Variants in FGF14 observed in about 807,000 individuals in gnomAD.
FGF14 encodes the protein fibroblast growth factor homologous factor 4.
A neutral mutation model predicts 25.5 loss-of-function variants in FGF14; 5 were observed. The observed-to-expected ratio is 0.20, with a 90% confidence interval of 0.10 to 0.41. The LOEUF is 0.41. Ranked by LOEUF, FGF14 falls within the 10% of genes least tolerant of loss-of-function variation. The pLI is 1.00. For missense variants in FGF14, 222 were observed against 320.1 expected, an observed-to-expected ratio of 0.69 and a Z score of 2.34; for synonymous variants, 138 against 118.3, an observed-to-expected ratio of 1.17 and a Z score of -1.08.
At position 101,781,397 on chromosome 13, in the gene FGF14, C is replaced by T. The variant is rs566600819; in HGVS notation, c.409-54587G>A. 5.9e-5 allele frequency among the ~76,000 whole-genome samples: 9 copies of T among 152,232 alleles called. No individual in the cohort carries two copies. The East Asian group carries it at 1.7e-3, about 29-fold the overall frequency. ...CGTATTCTCAGCATCAGAGCTGTGC[C>T]TGATCACGATAGAAACTCAAAGACT... On this transcript the variant is annotated intron_variant, in intron 3 of 4. Transcript: ENST00000376143.
At chr13:102,220,546 C>T (rs966312859) in intron 1 of FGF14, among the ~76,000 whole-genome samples, 4 of 152,192 alleles carry the variant, frequency 2.6e-5, no homozygotes, top group Admixed American at 6.5e-5. Flanking sequence ...ACACTGCAGA[C>T]GGTTGAAATA....
intron 3 of FGF14, among the ~76,000 whole-genome samples, chr13:101,757,261 GC>G (rs1442509466): frequency 6.6e-6 from 1 of 151,982 alleles, no homozygotes; most frequent in Admixed American, 6.6e-5. Context: ...AAGTCCTATA[GC>G]CTTTTGTTTG....
intron 1 of FGF14, among the ~76,000 whole-genome samples, chr13:101,890,301 C>T (rs995542846): frequency 1.3e-5 from 2 of 152,070 alleles, no homozygotes; most frequent in African/African-American, 4.8e-5. Context: ...CTGTAGCACA[C>T]CTCTAAGTTT....
chr13:101,819,742 T>C (rs916968388), intron 3 of FGF14, among the ~76,000 whole-genome samples: 25 of 152,190 alleles, frequency 1.6e-4, no homozygotes, highest in African/African-American at 5.3e-4. Context: ...ATTTTTAGAA[T>C]AGTTTTGAAG....
intron 1 of FGF14, among the ~76,000 whole-genome samples, chr13:102,347,508 A>G (rs1485486163): frequency 6.6e-6 from 1 of 152,158 alleles, no homozygotes; most frequent in Non-Finnish European, 1.5e-5. Context: ...CTGAGTTTGT[A>G]AAGGTGGAAG....
chr13:102,058,369 C>G (rs1026665014), intron 1 of FGF14, among the ~76,000 whole-genome samples: 1 of 152,130 alleles, frequency 6.6e-6, no homozygotes, highest in African/African-American at 2.4e-5. Flanking sequence ...CTCAGTAATC[C>G]AACTCATTTT....
At chr13:102,073,093 T>C (rs2043215262) in intron 1 of FGF14, among the ~76,000 whole-genome samples, 1 of 151,850 alleles carries the variant, frequency 6.6e-6, no homozygotes, top group African/African-American at 2.4e-5. Context: ...AATACACACA[T>C]ACACAAAAAT....
chr13:102,133,258 A>G (rs1287949830), intron 1 of FGF14, among the ~76,000 whole-genome samples: 6 of 152,234 alleles, frequency 3.9e-5, no homozygotes, highest in Non-Finnish European at 8.8e-5. Flanking sequence ...GTTATTATAT[A>G]CAATTTAGAA....
chr13:102,181,878 C>T (rs1414824450), intron 1 of FGF14, among the ~76,000 whole-genome samples: 1 of 152,136 alleles, frequency 6.6e-6, no homozygotes, highest in Non-Finnish European at 1.5e-5. Context: ...ATTCTGCCAA[C>T]TGCATCTGTG....
At position 102,047,760 on chromosome 13, in the gene FGF14, C is replaced by T. The variant is rs540475054; in HGVS notation, c.209-172464G>A. Among the ~76,000 whole-genome samples the T allele has an allele frequency of 6.6e-3, 998 of 152,184 alleles. 7 individuals carry two copies. Among genetic ancestry groups the T allele is most frequent in the Middle Eastern group, 0.024 (7 of 294 alleles). On this transcript the variant is annotated intron_variant, in intron 1 of 4. Coordinates refer to the FGF14 transcript ENST00000376131. ...CGAGTTAATGGGTGCAGCACACCAA[C>T]ATGGCACATGTATACATATGTAACA...
intron 1 of FGF14, among the ~76,000 whole-genome samples, chr13:101,972,807 C>A (rs1276297973): frequency 1.3e-5 from 2 of 152,192 alleles, no homozygotes; most frequent in Non-Finnish European, 2.9e-5. Flanking sequence ...CCGTGCCCAG[C>A]TTAAAGTTGT....
At chr13:101,754,078 T>C (rs1371156457) in intron 3 of FGF14, among the ~76,000 whole-genome samples, 2 of 152,206 alleles carry the variant, frequency 1.3e-5, no homozygotes, top group Non-Finnish European at 2.9e-5. Context: ...GCTAGCTAGA[T>C]TACTCTTAAG....
At chr13:102,002,936 A>G (rs1566557615) in intron 1 of FGF14, 1 of 152,198 alleles carries the variant, frequency 6.6e-6, no homozygotes, top group Non-Finnish European at 1.5e-5. Flanking sequence ...CTTAGAGTTG[A>G]CTTTCCCACA....
chr13:102,155,519 A>G (rs538928027), intron 1 of FGF14, among the ~76,000 whole-genome samples: 124 of 152,360 alleles, frequency 8.1e-4, no homozygotes, highest in African/African-American at 2.9e-3. Context: ...AGGAGTGTGT[A>G]GAGGGAAATT....
chr13:101,995,956 A>C (rs1290704198), intron 1 of FGF14, among the ~76,000 whole-genome samples: 2 of 152,212 alleles, frequency 1.3e-5, no homozygotes, highest in African/African-American at 4.8e-5. Flanking sequence ...ACAGGGTGAT[A>C]TAGTCAATAA....
intron 3 of FGF14, among the ~76,000 whole-genome samples, chr13:101,859,597 G>A (rs1332209849): frequency 6.6e-6 from 1 of 152,112 alleles, no homozygotes; most frequent in African/African-American, 2.4e-5. Flanking sequence ...TGAATATTGA[G>A]TTGAATGGTT....
At chr13:102,104,506 T>C (rs542819899) in intron 1 of FGF14, among the ~76,000 whole-genome samples, 2 of 152,334 alleles carry the variant, frequency 1.3e-5, no homozygotes, top group South Asian at 4.1e-4. Flanking sequence ...CAAGGCACAG[T>C]GTCTCTTGCC....
At chr13:101,913,520 C>A (rs9585810) in intron 1 of FGF14, among the ~76,000 whole-genome samples, 3,256 of 152,114 alleles carry the variant, frequency 0.021, 117 homozygotes, top group African/African-American at 0.074. Context: ...CCCTACATTT[C>A]AAAAATGTGT....
At chr13:102,391,126 G>A (rs147737528) in intron 1 of FGF14, among the ~76,000 whole-genome samples, 3 of 152,298 alleles carry the variant, frequency 2.0e-5, no homozygotes, top group East Asian at 1.9e-4. Flanking sequence ...GATCTTGCCT[G>A]AAGAGTAAGT....
Sources: allele counts gnomAD v4.1 joint callset (sites outside exome capture counted in the v4.1 genomes callset), GRCh38; gene constraint gnomAD v4.1.1; transcripts MANE v1.5; gene names NCBI Gene and HGNC (gene_info 2026-07-23, HGNC 2026-07-21).